Variants in ZMIZ1 observed in about 807,000 individuals in gnomAD.
ZMIZ1 encodes the protein zinc finger MIZ domain-containing protein 1.
A neutral mutation model predicts 113.9 loss-of-function variants in ZMIZ1; 17 were observed. The observed-to-expected ratio is 0.15, with a 90% confidence interval of 0.10 to 0.22. ZMIZ1 has a LOEUF of 0.22. Ranked by LOEUF, ZMIZ1 falls within the 10% of genes least tolerant of loss-of-function variation. The pLI is 1.00. For missense variants in ZMIZ1, 1,059 were observed against 1,477.8 expected (o/e 0.72, Z 4.65); for synonymous variants, 607 against 603.1 (o/e 1.01, Z -0.09).
intron 7 of ZMIZ1, among the ~76,000 whole-genome samples, chr10:79,223,881 CTTGG>C: frequency 6.6e-6 from 1 of 152,170 alleles, no homozygotes; most frequent in Non-Finnish European, 1.5e-5. Context: ...TCACTGTGCT[CTTGG>C]AGAAAAGGGA....
rs150155679 is a variant in ZMIZ1, at chr10:79,130,309, T to C, written c.-226-9373T>C. On this transcript the variant is annotated intron_variant, in intron 2 of 24. Transcript: ENST00000334512. ...AGAGCTGCCCAGGCCTTCCCTAATATCAGCCTTCTTGTGCCCTCCACCCTC... is the reference window on the plus strand; with the variant it reads ...AGAGCTGCCCAGGCCTTCCCTAATACCAGCCTTCTTGTGCCCTCCACCCTC... Among the ~76,000 whole-genome samples, 462 of 152,262 alleles carry C rather than the reference T, an allele frequency of 3.0e-3. 5 individuals carry two copies. The highest frequency in any genetic ancestry group is 0.011 in the African/African-American group (437 of 41,558).
intron 2 of ZMIZ1, among the ~76,000 whole-genome samples, chr10:79,137,517 T>C (rs1845056963): frequency 2.0e-5 from 3 of 152,196 alleles, no homozygotes; most frequent in African/African-American, 7.2e-5. Flanking sequence ...TGTGCCCTGG[T>C]GGACAGGCAG....
chr10:79,119,557 T>C (rs982606390), intron 2 of ZMIZ1, among the ~76,000 whole-genome samples: 1 of 152,210 alleles, frequency 6.6e-6, no homozygotes, highest in African/African-American at 2.4e-5. Flanking sequence ...AGTCCAGGTC[T>C]GTGTGGCTCC....
chr10:79,105,114 C>T (rs1459408491), intron 1 of ZMIZ1, among the ~76,000 whole-genome samples: 2 of 152,152 alleles, frequency 1.3e-5, no homozygotes, highest in Non-Finnish European at 2.9e-5. Context: ...ACTAGCTTCC[C>T]GAGCCCAATG....
intron 8 of ZMIZ1, chr10:79,285,577 C>T (rs1373482491): frequency 6.6e-6 from 3 of 456,092 alleles, no homozygotes; most frequent in Non-Finnish European, 8.8e-6. Flanking sequence ...GGTCGGTCAT[C>T]AGGCTTAACG....
At chr10:79,107,785 C>T (rs763731118) in intron 1 of ZMIZ1, among the ~76,000 whole-genome samples, 10 of 152,180 alleles carry the variant, frequency 6.6e-5, no homozygotes, top group South Asian at 2.1e-4. Flanking sequence ...TCATGCCTAC[C>T]GCCTCACTAC....
At chr10:79,275,028 G>A (rs1001247700) in intron 7 of ZMIZ1, among the ~76,000 whole-genome samples, 10 of 152,252 alleles carry the variant, frequency 6.6e-5, no homozygotes, top group South Asian at 2.1e-4. Context: ...TGATCCCTCC[G>A]TCACTGCGAT....
At chr10:79,224,326 C>T (rs1224306299) in intron 7 of ZMIZ1, among the ~76,000 whole-genome samples, 1 of 152,144 alleles carries the variant, frequency 6.6e-6, no homozygotes, top group African/African-American at 2.4e-5. Flanking sequence ...CAGCAGCAGT[C>T]ATGGGTTTCT....
chr10:79,190,086 T>G (rs557510386), intron 4 of ZMIZ1, among the ~76,000 whole-genome samples: 4 of 152,186 alleles, frequency 2.6e-5, no homozygotes, highest in Non-Finnish European at 5.9e-5. Flanking sequence ...TAGGGAGCTG[T>G]GGGGGCTGCC....
At chr10:79,246,206 C>A (rs1244012181) in intron 7 of ZMIZ1, among the ~76,000 whole-genome samples, 2 of 152,238 alleles carry the variant, frequency 1.3e-5, no homozygotes, top group Non-Finnish European at 2.9e-5. Context: ...ACCCCTTGGC[C>A]AGCACTCTGT....
chr10:79,124,426 C>A (rs949460111), intron 2 of ZMIZ1, among the ~76,000 whole-genome samples: 1 of 152,222 alleles, frequency 6.6e-6, no homozygotes, highest in African/African-American at 2.4e-5. Flanking sequence ...TTATCTGACA[C>A]CATAATATGT....
chr10:79,115,094 G>A (rs1843964659), intron 1 of ZMIZ1, among the ~76,000 whole-genome samples: 1 of 152,242 alleles, frequency 6.6e-6, no homozygotes, highest in Admixed American at 6.5e-5. Context: ...GAACTATAGA[G>A]TCCAGCTCTG....
At chr10:79,128,219 T>C (rs1284281903) in intron 2 of ZMIZ1, among the ~76,000 whole-genome samples, 1 of 152,176 alleles carries the variant, frequency 6.6e-6, no homozygotes, top group Non-Finnish European at 1.5e-5. Flanking sequence ...GGTGCCTTCT[T>C]TGAGCTGCCA....
chr10:79,299,030 AC>A lies in ZMIZ1; in HGVS notation c.1667-18del. 1 of 1,592,796 alleles carries A rather than the reference AC, an allele frequency of 6.3e-7. No homozygotes were observed. The highest frequency in any genetic ancestry group is 8.5e-7 in the Non-Finnish European group (1 of 1,169,784). ...GGCAGCTGAGGCTTGTGGCTCACCC[AC>A]CTCCTCTCCTCGCCCCAGCCAACCA... On this transcript the variant is annotated intron_variant, in intron 15 of 24. Transcript: ENST00000334512.
intron 7 of ZMIZ1, among the ~76,000 whole-genome samples, chr10:79,257,290 C>T (rs1036374823): frequency 6.6e-6 from 1 of 152,232 alleles, no homozygotes; most frequent in African/African-American, 2.4e-5. Context: ...AGCCTCTGAG[C>T]CTCTGCTAAT....
At chr10:79,201,015 T>C (rs36123431) in intron 4 of ZMIZ1, among the ~76,000 whole-genome samples, 20,541 of 152,118 alleles carry the variant, frequency 0.14, 1,706 homozygotes, top group East Asian at 0.32. Context: ...CATACAGAAA[T>C]GTGTGCACCT....
chr10:79,126,237 T>G (rs536073896), intron 2 of ZMIZ1, among the ~76,000 whole-genome samples: 15 of 152,280 alleles, frequency 9.9e-5, no homozygotes, highest in Non-Finnish European at 2.1e-4. Context: ...CAGGGCCTAG[T>G]GTGAGGCTTA....
At chr10:79,159,591 C>G (rs1220227780) in intron 3 of ZMIZ1, among the ~76,000 whole-genome samples, 1 of 152,212 alleles carries the variant, frequency 6.6e-6, no homozygotes, top group Non-Finnish European at 1.5e-5. Context: ...TATAGAACCT[C>G]TTGGCCTCGT....
chr10:79,304,011 G>C lies in ZMIZ1; in HGVS notation c.2126-4G>C. 3.7e-6 allele frequency: 6 copies of C among 1,613,858 alleles called. No homozygotes were observed. Among genetic ancestry groups the C allele is most frequent in the Non-Finnish European group, 5.1e-6 (6 of 1,180,018 alleles). On this transcript the variant is annotated splice_polypyrimidine_tract_variant and splice_region_variant and intron_variant, in intron 18 of 24. Coordinates refer to ENST00000334512, the MANE Select transcript of ZMIZ1 (RefSeq NM_020338.4). ...CTCACCTGTCTGTGCCTCCTGCCCC[G>C]CAGTCAAGCGGAATTTCAGCAGCGT...
Sources: gnomAD v4.1 joint callset for allele counts (sites outside exome capture counted in the v4.1 genomes callset) on GRCh38, gnomAD v4.1.1 for gene constraint, MANE v1.5 for transcripts, NCBI Gene and HGNC (gene_info 2026-07-23, HGNC 2026-07-21) for gene names.